The following NFYC variants were observed in gnomAD, a reference collection of about 807,000 sequenced individuals.
The protein encoded by NFYC is nuclear transcription factor Y subunit gamma, also known as CAAT box DNA-binding protein subunit C.
NFYC carries 25 observed loss-of-function variants against 53.1 expected under a neutral mutation model. The observed-to-expected ratio is 0.47, with a 90% CI of 0.34 to 0.66. The LOEUF is 0.66. Among genes scored for constraint, NFYC ranks in the 30% least tolerant of loss-of-function variants. NFYC has a pLI of 0.01. For synonymous variants in NFYC, 145 were observed against 152.6 expected (o/e 0.95, Z 0.37); for missense variants, 260 against 422.7 (o/e 0.62, Z 3.38).
chr1:40,749,724 G>A (rs772764032), intron 4 of NFYC, 38 bp downstream of exon 4: 5 of 1,535,360 alleles, frequency 3.3e-6, no homozygotes, highest in Non-Finnish European at 4.5e-6. Context: ...ACTGGGGTAA[G>A]CAGCAGCCTT....
intron 8 of NFYC, 83 bp from the exon 9 acceptor site, chr1:40,769,273 C>T: frequency 7.1e-7 from 1 of 1,403,506 alleles, no homozygotes; most frequent in Non-Finnish European, 1.0e-6. Context: ...CTCATTTGAT[C>T]TTTATGACCC....
chr1:40,761,682 G>A (rs992368574), intron 6 of NFYC, among the ~76,000 whole-genome samples: 4 of 152,070 alleles, frequency 2.6e-5, no homozygotes, highest in Non-Finnish European at 2.9e-5. Flanking sequence ...CTCATCTGTC[G>A]TTCCCAGAAC....
intron 1 of NFYC, among the ~76,000 whole-genome samples, chr1:40,719,930 G>A (rs1216070530): frequency 6.6e-6 from 1 of 152,184 alleles, no homozygotes; most frequent in East Asian, 1.9e-4. Flanking sequence ...CTTATCTTAT[G>A]TGTTTATGGT....
chr1:40,756,967 C>T (rs1038535722), intron 5 of NFYC, among the ~76,000 whole-genome samples: 1 of 152,206 alleles, frequency 6.6e-6, no homozygotes, highest in Admixed American at 6.5e-5. Context: ...CAGTTGAGGG[C>T]ACCTAACATA....
In NFYC at chr1:40,766,630, G is replaced by A. The variant is rs761306001; in HGVS notation, c.755G>A (p.Arg252His). 4 of 1,613,958 alleles carry A rather than the reference G, an allele frequency of 2.5e-6. No individual in the cohort carries two copies. Among genetic ancestry groups the A allele is most frequent in the East Asian group, 2.2e-5 (1 of 44,888 alleles). The part of the protein sequence containing the change: ...QLNAGQLQYI[R>H]LAQPVSGTQV... ...AATGCCGGCCAGCTGCAGTATATCCGCTTAGCCCAGCCTGTATCAGGCACT... is the reference window on the plus strand; with the variant it reads ...AATGCCGGCCAGCTGCAGTATATCCACTTAGCCCAGCCTGTATCAGGCACT... The change falls in exon 8 of 10, where the codon CGC (arginine) becomes CAC (histidine). Residue 252 changes from arginine (R) to histidine (H), a missense_variant. Transcript: ENST00000447388.
At chr1:40,724,046 A>G (rs1310652918) in intron 1 of NFYC, among the ~76,000 whole-genome samples, 1 of 151,808 alleles carries the variant, frequency 6.6e-6, no homozygotes, top group East Asian at 1.9e-4. Context: ...TAACTCTTCA[A>G]CTCTACTGTT....
At chr1:40,714,159 A>T (rs1644037130) in intron 1 of NFYC, among the ~76,000 whole-genome samples, 1 of 152,244 alleles carries the variant, frequency 6.6e-6, no homozygotes, top group South Asian at 2.1e-4. Context: ...TATTTCAAGA[A>T]CAAGCTAATT....
chr1:40,709,654 A>C (rs1643873415), intron 1 of NFYC: 1 of 152,166 alleles, frequency 6.6e-6, no homozygotes. Flanking sequence ...AAATGATAGA[A>C]ACTGTTTAGC....
At chr1:40,749,397 T>A (rs1377675318) in intron 3 of NFYC, among the ~76,000 whole-genome samples, 176 bp from the exon 4 acceptor site, 1 of 152,224 alleles carries the variant, frequency 6.6e-6, no homozygotes, top group Non-Finnish European at 1.5e-5. Context: ...GTATTCTTTC[T>A]CCCTGTTACC....
intron 1 of NFYC, among the ~76,000 whole-genome samples, chr1:40,692,772 C>T (rs1406411526): frequency 1.3e-5 from 2 of 152,074 alleles, no homozygotes; most frequent in East Asian, 1.9e-4. Flanking sequence ...CTGTCCGAGC[C>T]TAGGAAGCAC....
intron 1 of NFYC, among the ~76,000 whole-genome samples, chr1:40,696,938 A>G (rs890978471): frequency 6.6e-6 from 1 of 152,230 alleles, no homozygotes; most frequent in African/African-American, 2.4e-5. Flanking sequence ...AGCACTCAAT[A>G]TAATGTAAGT....
chr1:40,720,136 G>A lies in NFYC; in HGVS notation c.-8-18700G>A, dbSNP rs777072679. ...TGGAAGATTTGTCTCATTTCATGTC[G>A]TTTTCCTTTCTTTCTTCTCCTCTTT... On this transcript the variant is annotated intron_variant, in intron 1 of 9. Transcript: ENST00000447388. 2.0e-4 allele frequency among the ~76,000 whole-genome samples: 30 copies of A among 152,092 alleles called. 1 individual carries two copies. The highest frequency in any genetic ancestry group is 4.3e-4 in the Non-Finnish European group (29 of 68,018).
chr1:40,709,829 A>G (rs1369235190), intron 1 of NFYC, among the ~76,000 whole-genome samples: 5 of 152,186 alleles, frequency 3.3e-5, no homozygotes, highest in African/African-American at 9.7e-5. Flanking sequence ...ACATGGAGAA[A>G]GGCTAATCAT....
Position 40,749,599 on chromosome 1 carries a change from C to T in NFYC, c.204C>T (p.Leu68=). ...TGATCAGTGCAGAAGCGCCTGTACT[C>T]TTTGCCAAGGCAGCCCAGATTTTTA... ...VKMISAEAPV[L]FAKAAQIFIT... The change falls in exon 4 of 10, where the codon CTC becomes CTT. Residue 68 remains leucine, a synonymous_variant. Coordinates refer to ENST00000447388, the MANE Select transcript of NFYC (RefSeq NM_014223.5). 6 of 1,614,132 alleles carry T rather than the reference C, an allele frequency of 3.7e-6. No homozygotes were observed. The highest frequency in any genetic ancestry group is 5.1e-6 in the Non-Finnish European group (6 of 1,179,988).
chr1:40,753,078 C>A, intron 4 of NFYC, 73 bp from the exon 5 acceptor site: 1 of 1,115,978 alleles, frequency 9.0e-7, no homozygotes, highest in Non-Finnish European at 1.3e-6. Context: ...TCTTACCTTA[C>A]TTGGAGGGTA....
chr1:40,766,511 A>G (rs1570747214), intron 7 of NFYC, 85 bp from the exon 8 acceptor site: 1 of 1,022,136 alleles, frequency 9.8e-7, no homozygotes, highest in Non-Finnish European at 1.4e-6. Context: ...GTAGGGGGCA[A>G]TCAACATCTC....
intron 6 of NFYC, among the ~76,000 whole-genome samples, chr1:40,760,250 C>T (rs980463942): frequency 6.6e-6 from 1 of 152,132 alleles, no homozygotes; most frequent in Non-Finnish European, 1.5e-5. Context: ...AGCCACCATG[C>T]CCAGTTAGGA....
At chr1:40,758,470 C>T in intron 6 of NFYC, 176 bp downstream of exon 6, 1 of 656,978 alleles carries the variant, frequency 1.5e-6, no homozygotes, top group Non-Finnish European at 2.5e-6. Context: ...TTACCCTAAT[C>T]TCTCTGGACC....
chr1:40,711,460 A>C (rs1643924575), intron 1 of NFYC, among the ~76,000 whole-genome samples: 1 of 152,198 alleles, frequency 6.6e-6, no homozygotes, highest in African/African-American at 2.4e-5. Context: ...GGCCTGCAGC[A>C]GGGGAGGCAA....
Sources: allele counts gnomAD v4.1 joint callset (sites outside exome capture counted in the v4.1 genomes callset), GRCh38; gene constraint gnomAD v4.1.1; transcripts MANE v1.5; gene names NCBI Gene and HGNC (gene_info 2026-07-23, HGNC 2026-07-21).